The following ADNP2 variants were observed in gnomAD, a reference collection of about 807,000 sequenced individuals.
ADNP2 encodes the protein activity-dependent neuroprotector homeobox protein 2.
In ADNP2, 8 loss-of-function variants were observed where a neutral mutation model predicts 16.4. The ratio of observed to expected loss-of-function variants is 0.49; its 90% CI spans 0.29 to 0.88. The LOEUF (loss-of-function observed/expected upper bound fraction) is 0.88, where lower values mean the gene tolerates loss of function less well. ADNP2 is among the 40% of genes least tolerant of loss of function. ADNP2 has a pLI of 0.09. For synonymous variants in ADNP2, 637 were observed against 545.8 expected (o/e 1.17, Z -2.33); for missense variants, 1,397 against 1,395.1 (o/e 1.00, Z -0.02).
intron 1 of ADNP2, among the ~76,000 whole-genome samples, chr18:80,115,530 G>T (rs2052383618): frequency 6.6e-6 from 1 of 152,144 alleles, no homozygotes; most frequent in African/African-American, 2.4e-5. Flanking sequence ...TGAAAACAAT[G>T]AGTTCACTTC....
intron 2 of ADNP2, among the ~76,000 whole-genome samples, chr18:80,121,854 G>C (rs2052427207): frequency 6.6e-6 from 1 of 151,962 alleles, no homozygotes. Context: ...TGGATATATG[G>C]GTTTATTTCT....
At chr18:80,115,812 A>G (rs2052385436) in intron 1 of ADNP2, among the ~76,000 whole-genome samples, 1 of 151,656 alleles carries the variant, frequency 6.6e-6, no homozygotes, top group African/African-American at 2.4e-5. Flanking sequence ...TTTTGCTCTT[A>G]CTGGTCAGGG....
At chr18:80,115,111 A>G (rs377189190) in intron 1 of ADNP2, among the ~76,000 whole-genome samples, 258 of 152,284 alleles carry the variant, frequency 1.7e-3, no homozygotes, top group Non-Finnish European at 3.3e-3. Context: ...TTAGGGCCGT[A>G]TTGTAAGAGC....
intron 1 of ADNP2, among the ~76,000 whole-genome samples, chr18:80,114,769 A>C (rs1203099855): frequency 6.6e-6 from 1 of 152,148 alleles, no homozygotes; most frequent in African/African-American, 2.4e-5. Flanking sequence ...TTTCTGGTCC[A>C]CAGTGTCTGG....
chr18:80,109,658 G>C (rs1161231739), intron 1 of ADNP2, 186 bp downstream of exon 1: 3 of 149,550 alleles, frequency 2.0e-5, no homozygotes, highest in Non-Finnish European at 3.0e-5. Flanking sequence ...TCAGGGCGCG[G>C]GTTCGCGGCC....
Position 80,135,700 on chromosome 18 carries a change from A to G in ADNP2, c.287A>G (p.His96Arg). The change falls in exon 4 of 4, where the codon CAT becomes CGT. Residue 96 changes from histidine (H) to arginine (R), a missense_variant. Around this residue, in one of 3 missense-constraint regions of ADNP2, gnomAD observed 777 missense variants for 719.4 expected, o/e 1.08. Coordinates refer to ENST00000262198, the MANE Select transcript of ADNP2 (RefSeq NM_014913.4). The part of the protein sequence containing the change: ...TSFKNHLHRY[H>R]EDEIDQELVI... ...TTCAAGAATCATTTACATCGTTACC[A>G]TGAAGATGAAATTGACCAAGAGCTG... 6.2e-7 allele frequency: 1 copy of G among 1,614,230 alleles called. No individual in the cohort carries two copies. Among genetic ancestry groups the G allele is most frequent in the Non-Finnish European group, 8.5e-7 (1 of 1,180,034 alleles).
chr18:80,122,792 C>T (rs1046820788), intron 2 of ADNP2, among the ~76,000 whole-genome samples: 6 of 152,268 alleles, frequency 3.9e-5, no homozygotes, highest in East Asian at 1.9e-4. Context: ...TTTTCAGTTA[C>T]GATGCCTTTT....
At position 80,137,639 on chromosome 18, in the gene ADNP2, G is replaced by T; in HGVS notation, c.2226G>T (p.Met742Ile). The change falls in exon 4 of 4, where the codon ATG becomes ATT. Residue 742 changes from methionine (M) to isoleucine (I), a missense_variant. By Grantham distance (10) the Met-to-Ile change is conservative. This residue lies in a region of ADNP2 where 611 missense variants were observed against 648.7 expected (regional missense o/e 0.94). Transcript: ENST00000262198. This position sits in a 1 kb window ranked among gnomAD's most constrained non-coding sequence, Gnocchi z 4.2. Reference protein sequence around the residue: ...LAACAPFLKWMREKTVRCLSC... With the variant: ...LAACAPFLKWIREKTVRCLSC... The stretch of plus-strand genomic sequence containing the variant: ...CGTGTGCACCATTTCTAAAGTGGAT[G>T]AGAGAGAAAACGGTGCGATGTCTGT... The T allele has an allele frequency of 1.2e-6, 2 of 1,614,208 alleles. No individual in the cohort carries two copies. Among genetic ancestry groups the T allele is most frequent in the Non-Finnish European group, 1.7e-6 (2 of 1,180,024 alleles).
Position 80,138,657 on chromosome 18 carries a change from G to A in ADNP2, c.3244G>A (p.Val1082Met), listed in dbSNP as rs772712960. 1 of 1,612,014 alleles carries A rather than the reference G, an allele frequency of 6.2e-7. No homozygotes were observed. Among genetic ancestry groups the A allele is most frequent in the Non-Finnish European group, 8.5e-7 (1 of 1,179,572 alleles). Reference sequence around the variant, plus strand: ...AGAACTGTTGTCCTCACTCTTTTGGGTGTGGAAAATTGATGTGGCTTCATT... The same window carrying A: ...AGAACTGTTGTCCTCACTCTTTTGGATGTGGAAAATTGATGTGGCTTCATT... ...EIELLSSLFW[V>M]WKIDVASFFG... Residue 1082 changes from valine (V) to methionine (M), a missense_variant, in exon 4 of 4, where the codon GTG becomes ATG. By Grantham distance (21) the Val-to-Met change is conservative (BLOSUM62 1). This residue lies in a region of ADNP2 where 611 missense variants were observed against 648.7 expected (regional missense o/e 0.94). Transcript: ENST00000262198.
chr18:80,136,541 G>T lies in ADNP2; in HGVS notation c.1128G>T (p.Gln376His), dbSNP rs139283796. The stretch of plus-strand genomic sequence containing the variant: ...ATCCTCCTGTGTTGCCCTTGAGTCA[G>T]CCAGTCGGACCTGTCAATAAGTCTG... Reference protein sequence around the residue: ...SVNPPVLPLSQPVGPVNKSVG... With the variant: ...SVNPPVLPLSHPVGPVNKSVG... The change falls in exon 4 of 4, where the codon CAG (glutamine) becomes CAT (histidine). Residue 376 changes from glutamine (Q) to histidine (H), a missense_variant. This residue lies in a region of ADNP2 where 777 missense variants were observed against 719.4 expected (regional missense o/e 1.08). Coordinates refer to ENST00000262198, the MANE Select transcript of ADNP2 (RefSeq NM_014913.4). 1 of 1,614,234 alleles carries T rather than the reference G, an allele frequency of 6.2e-7. No homozygotes were observed. The highest frequency in any genetic ancestry group is 1.7e-5 in the Admixed American group (1 of 60,030).
chr18:80,132,248 T>C (rs898864096), intron 2 of ADNP2, among the ~76,000 whole-genome samples: 13 of 152,232 alleles, frequency 8.5e-5, no homozygotes, highest in Admixed American at 3.9e-4. Context: ...GTCTGTCCTC[T>C]GTATCCAGGG....
At chr18:80,109,978 T>A (rs1254546344) in intron 1 of ADNP2, 1 of 152,824 alleles carries the variant, frequency 6.5e-6, no homozygotes, top group Non-Finnish European at 1.5e-5. Context: ...CGGGTTCTCC[T>A]GGAAGCTTCT....
intron 1 of ADNP2, among the ~76,000 whole-genome samples, chr18:80,116,317 T>A (rs2052389089): frequency 6.6e-6 from 1 of 152,220 alleles, no homozygotes; most frequent in Admixed American, 6.5e-5. Flanking sequence ...GTTTACACAT[T>A]TTGGTGACTG....
rs372232363 is a variant in ADNP2 at position 80,134,790 on chromosome 18, G to A, written c.199-822G>A. On this transcript the variant is annotated intron_variant, in intron 3 of 3. Coordinates refer to ENST00000262198, the MANE Select transcript of ADNP2 (RefSeq NM_014913.4). Reference sequence around the variant, plus strand: ...GTTCTGTGGCCTTACCCTTATCTTAGGGTCATCCATAGTGTGAGTTTAGGC... The same window carrying A: ...GTTCTGTGGCCTTACCCTTATCTTAAGGTCATCCATAGTGTGAGTTTAGGC... Among the ~76,000 whole-genome samples the A allele has an allele frequency of 5.8e-4, 88 of 152,214 alleles. No individual in the cohort carries two copies. In the South Asian group the frequency reaches 0.018, roughly 31 times the overall value.
chr18:80,111,013 G>C (rs2052353700), intron 1 of ADNP2, among the ~76,000 whole-genome samples: 1 of 152,152 alleles, frequency 6.6e-6, no homozygotes, highest in African/African-American at 2.4e-5. Flanking sequence ...GCAATATGCT[G>C]TTGGTTAATT....
chr18:80,127,539 G>A (rs1034266857), intron 2 of ADNP2, among the ~76,000 whole-genome samples: 14 of 151,830 alleles, frequency 9.2e-5, no homozygotes, highest in Non-Finnish European at 1.6e-4. Context: ...CACTTCTCTC[G>A]TTGCGTTCAT....
chr18:80,114,192 CAAAAAAAA>C (rs138431229), intron 1 of ADNP2, among the ~76,000 whole-genome samples: 1 of 110,298 alleles, frequency 9.1e-6, no homozygotes, highest in Non-Finnish European at 1.8e-5. Flanking sequence ...GACCCTGTCT[CAAAAAAAA>C]AAAAAGAAAA....
intron 2 of ADNP2, among the ~76,000 whole-genome samples, chr18:80,127,027 T>C (rs1417733699): frequency 6.6e-6 from 1 of 152,252 alleles, no homozygotes; most frequent in Admixed American, 6.5e-5. Flanking sequence ...GCACAGGATG[T>C]AAGATACTTT....
intron 1 of ADNP2, among the ~76,000 whole-genome samples, chr18:80,116,052 A>G (rs1453244301): frequency 6.6e-6 from 1 of 152,166 alleles, no homozygotes; most frequent in Non-Finnish European, 1.5e-5. Flanking sequence ...GGTGTGAGCC[A>G]CTGCACTCGG....
Sources: gnomAD v4.1 joint callset for allele counts (sites outside exome capture counted in the v4.1 genomes callset) on GRCh38, gnomAD v4.1.1 for gene constraint, gnomAD v4.1.1 regional missense constraint, Gnocchi (gnomAD v3.1) non-coding constraint, MANE v1.5 for transcripts, NCBI Gene and HGNC (gene_info 2026-07-23, HGNC 2026-07-21) for gene names.